FOXP1: variants seen among roughly 807,000 people sequenced by gnomAD.
FOXP1 encodes forkhead box protein P1.
A neutral mutation model predicts 98.2 loss-of-function variants in FOXP1; 15 were observed. That is an observed-to-expected ratio of 0.15 (90% confidence interval 0.10 to 0.24). The LOEUF is 0.24. FOXP1 is among the 10% of genes least tolerant of loss of function. The pLI is 1.00. For synonymous variants in FOXP1, 371 were observed against 314.5 expected, an observed-to-expected ratio of 1.18 and a Z score of -1.90; for missense variants, 633 against 848.5, an observed-to-expected ratio of 0.75 and a Z score of 3.15.
At chr3:71,096,530 AAC>A (rs1317594159) in intron 7 of FOXP1, among the ~76,000 whole-genome samples, 1 of 152,160 alleles carries the variant, frequency 6.6e-6, no homozygotes, top group Non-Finnish European at 1.5e-5. Context: ...GCCAAAATCC[AAC>A]ATGCTTGGGT....
intron 2 of FOXP1, among the ~76,000 whole-genome samples, chr3:71,514,068 T>C (rs2042390228): frequency 6.6e-6 from 1 of 152,246 alleles, no homozygotes. Flanking sequence ...CTTGTCTCTA[T>C]ATTTTGACTT....
intron 5 of FOXP1, among the ~76,000 whole-genome samples, chr3:71,223,684 A>C (rs1230105331): frequency 7.6e-6 from 1 of 131,144 alleles, no homozygotes; most frequent in African/African-American, 3.1e-5. Context: ...ACAGAGCGAG[A>C]CTACGTCTCA....
intron 2 of FOXP1, among the ~76,000 whole-genome samples, chr3:71,544,767 T>C (rs145369045): frequency 8.5e-5 from 13 of 152,260 alleles, no homozygotes; most frequent in African/African-American, 2.9e-4. Context: ...TCACAACTGT[T>C]GTAAGTTACC....
intron 6 of FOXP1, among the ~76,000 whole-genome samples, chr3:71,135,343 G>A (rs954043183): frequency 6.6e-6 from 1 of 151,948 alleles, no homozygotes; most frequent in Non-Finnish European, 1.5e-5. Flanking sequence ...CCAAAAGGAG[G>A]GGAGACCAAT....
At chr3:71,536,280 C>T (rs2044280436) in intron 2 of FOXP1, among the ~76,000 whole-genome samples, 2 of 152,134 alleles carry the variant, frequency 1.3e-5, no homozygotes, top group African/African-American at 4.8e-5. Flanking sequence ...GAAGAAGTTT[C>T]TGAACTCTCA....
intron 6 of FOXP1, among the ~76,000 whole-genome samples, chr3:71,182,480 C>T (rs1247219887): frequency 2.0e-5 from 3 of 148,522 alleles, no homozygotes; most frequent in Non-Finnish European, 4.4e-5. Flanking sequence ...TGGGGATATA[C>T]AGAAAAGTGT....
rs2048135401 is a variant in FOXP1, at chr3:71,581,206, T to C, written c.-298+343A>G. On this transcript the variant is annotated intron_variant, in intron 2 of 20. Transcript: ENST00000649528. The stretch of plus-strand genomic sequence containing the variant: ...TTGTAATCAGCCCAGCAAGGGTATT[T>C]GGATACAATGACTTGGAAATAATTA... The C allele has an allele frequency of 3.0e-6, 3 of 985,212 alleles. No individual in the cohort carries two copies. The South Asian group carries it at 1.4e-4, about 46-fold the overall frequency. The allele number at this position is 985,212 out of a possible 1,614,324, so 61.0% of individuals were successfully genotyped here.
intron 3 of FOXP1, among the ~76,000 whole-genome samples, chr3:71,443,648 G>A (rs2086150857): frequency 6.6e-6 from 1 of 152,122 alleles, no homozygotes; most frequent in Non-Finnish European, 1.5e-5. Context: ...CCCTCCAACA[G>A]GGCCCCAGAA....
intron 5 of FOXP1, among the ~76,000 whole-genome samples, chr3:71,218,188 C>T (rs938445842): frequency 6.6e-6 from 1 of 152,202 alleles, no homozygotes; most frequent in African/African-American, 2.4e-5. Context: ...TTCCTCATTT[C>T]CCGTGAACTC....
At position 71,346,177 on chromosome 3, in the gene FOXP1, G is replaced by A. The variant is rs192341966; in HGVS notation, c.-73+12973C>T. ...CATATAGGATATTGGTTTCAATGAG[G>A]GAAGGCGAATGCCAAGAACAGTCTA... On this transcript the variant is annotated intron_variant, in intron 4 of 20. Transcript: ENST00000649528. Among the ~76,000 whole-genome samples the A allele has an allele frequency of 1.3e-3, 201 of 152,258 alleles. 5 individuals are homozygous for A. In the East Asian group the frequency reaches 0.035, roughly 26 times the overall value.
intron 6 of FOXP1, among the ~76,000 whole-genome samples, chr3:71,190,818 A>T (rs1337839822): frequency 6.6e-6 from 1 of 152,108 alleles, no homozygotes; most frequent in African/African-American, 2.4e-5. Context: ...AGGGGAGATA[A>T]TGTGGCTCTA....
At chr3:71,074,274 C>A (rs1207529072) in intron 7 of FOXP1, among the ~76,000 whole-genome samples, 1 of 152,158 alleles carries the variant, frequency 6.6e-6, no homozygotes, top group East Asian at 1.9e-4. Context: ...CTCATGCAGG[C>A]TGGAGTGCAG....
chr3:71,422,545 G>A (rs1302892265), intron 3 of FOXP1, among the ~76,000 whole-genome samples: 2 of 152,232 alleles, frequency 1.3e-5, no homozygotes, highest in African/African-American at 4.8e-5. Flanking sequence ...GTGAGGTCAG[G>A]AGAGCCCACA....
At position 71,046,961 on chromosome 3, in the gene FOXP1, G is replaced by T. The variant is rs753853158; in HGVS notation, c.645C>A (p.Pro215=). 6.2e-7 allele frequency: 1 copy of T among 1,613,956 alleles called. No homozygotes were observed. Among genetic ancestry groups the T allele is most frequent in the East Asian group, 2.2e-5 (1 of 44,900 alleles). The part of the protein sequence containing the change: ...LTIQPGQPAL[P]LQPLAQGMIP... ...GCATACCTTGAGCAAGAGGTTGAAG[G>T]GGAAGGGCAGGCTGCCCGGGCTGAA... Residue 215 remains proline, a synonymous_variant, in exon 10 of 21, where the codon CCC becomes CCA. Coordinates refer to ENST00000649528, the MANE Select transcript of FOXP1 (RefSeq NM_001349338.3).
intron 2 of FOXP1, among the ~76,000 whole-genome samples, chr3:71,539,157 G>A (rs2044569516): frequency 2.0e-5 from 3 of 149,266 alleles, no homozygotes; most frequent in Non-Finnish European, 4.5e-5. Context: ...TGTCGCCCAG[G>A]CTGGGGTGCA....
At chr3:71,048,185 C>T (rs1274796374) in intron 9 of FOXP1, among the ~76,000 whole-genome samples, 1 of 151,932 alleles carries the variant, frequency 6.6e-6, no homozygotes, top group East Asian at 1.9e-4. Flanking sequence ...GATCAGTGTT[C>T]CTAATTCTGA....
Position 70,980,492 on chromosome 3 carries a change from A to C in FOXP1, c.1147-2463T>G, listed in dbSNP as rs567203553. On this transcript the variant is annotated intron_variant, in intron 14 of 20. Transcript: ENST00000649528. Reference sequence around the variant, plus strand: ...TGAGATGTTATTACTCATACTTTACAGATAAGCAAACTGAGGCTTGGAGAG... The same window carrying C: ...TGAGATGTTATTACTCATACTTTACCGATAAGCAAACTGAGGCTTGGAGAG... Among the ~76,000 whole-genome samples the C allele has an allele frequency of 2.0e-4, 30 of 152,338 alleles. 1 individual carries two copies. In the South Asian group the frequency reaches 4.6e-3, roughly 23 times the overall value.
chr3:70,967,650 T>TC (rs1276677891), intron 19 of FOXP1, among the ~76,000 whole-genome samples: 2 of 151,384 alleles, frequency 1.3e-5, no homozygotes, highest in African/African-American at 4.8e-5. Flanking sequence ...TTTTTGTTTT[T>TC]TTTTTGGCAG....
intron 5 of FOXP1, among the ~76,000 whole-genome samples, chr3:71,250,101 T>C (rs962314675): frequency 1.4e-4 from 21 of 152,170 alleles, no homozygotes; most frequent in African/African-American, 4.8e-4. Flanking sequence ...ACTAGGAACA[T>C]TTTGAGCCAG....
Sources: allele counts gnomAD v4.1 joint callset (sites outside exome capture counted in the v4.1 genomes callset), GRCh38; gene constraint gnomAD v4.1.1; transcripts MANE v1.5; gene names NCBI Gene and HGNC (gene_info 2026-07-23, HGNC 2026-07-21).